UBE2E2: variants seen among roughly 807,000 people sequenced by gnomAD.
UBE2E2 encodes the protein ubiquitin conjugating enzyme E2 E2.
A neutral mutation model predicts 24.7 loss-of-function variants in UBE2E2; 6 were observed. The observed-to-expected ratio is 0.24, with a 90% CI of 0.13 to 0.48. The LOEUF is 0.48. UBE2E2 is among the 20% of genes least tolerant of loss of function. UBE2E2 has a pLI of 0.99. For synonymous variants in UBE2E2, 104 were observed against 83.6 expected, an observed-to-expected ratio of 1.24 and a Z score of -1.33; for missense variants, 169 against 245.0, an observed-to-expected ratio of 0.69 and a Z score of 2.07.
At chr3:23,240,560 C>T (rs909394151) in intron 3 of UBE2E2, among the ~76,000 whole-genome samples, 21 of 152,196 alleles carry the variant, frequency 1.4e-4, no homozygotes, top group Non-Finnish European at 2.8e-4. Context: ...CTGTGGCACA[C>T]AGCCACACTG....
At chr3:23,406,157 T>C (rs1697352147) in intron 3 of UBE2E2, among the ~76,000 whole-genome samples, 1 of 152,236 alleles carries the variant, frequency 6.6e-6, no homozygotes, top group Non-Finnish European at 1.5e-5. Flanking sequence ...TAAAAGACAG[T>C]GTTAGACAAT....
intron 3 of UBE2E2, among the ~76,000 whole-genome samples, chr3:23,489,487 A>T (rs958915253): frequency 6.6e-6 from 1 of 152,222 alleles, no homozygotes; most frequent in Non-Finnish European, 1.5e-5. Context: ...GGACATTAGC[A>T]TGCAAGATGT....
chr3:23,418,199 G>A lies in UBE2E2; in HGVS notation c.228-81409G>A, dbSNP rs191745871. On this transcript the variant is annotated intron_variant, in intron 3 of 5. Coordinates refer to ENST00000396703, the MANE Select transcript of UBE2E2 (RefSeq NM_152653.4). Reference sequence around the variant, plus strand: ...GGCCCTGGTGGCGTAGGCACCCGAGGGAATCTCCTGGTCTGCAGGTTGCAG... The same window carrying A: ...GGCCCTGGTGGCGTAGGCACCCGAGAGAATCTCCTGGTCTGCAGGTTGCAG... 8.3e-4 allele frequency among the ~76,000 whole-genome samples: 127 copies of A among 152,324 alleles called. 1 individual carries two copies. The highest frequency in any genetic ancestry group is 3.5e-4 in the Non-Finnish European group (24 of 68,028).
chr3:23,207,294 G>C (rs928489313), intron 1 of UBE2E2, among the ~76,000 whole-genome samples: 6 of 152,120 alleles, frequency 3.9e-5, no homozygotes, highest in Non-Finnish European at 8.8e-5. Context: ...TGTGTCTGCT[G>C]TCTAGATTAT....
chr3:23,204,986 C>A (rs995811162), intron 1 of UBE2E2, among the ~76,000 whole-genome samples: 80 of 152,106 alleles, frequency 5.3e-4, no homozygotes, highest in African/African-American at 1.9e-3. Flanking sequence ...TTTATGTAGT[C>A]AGTAATATTT....
At position 23,509,883 on chromosome 3, in the gene UBE2E2, C is replaced by T. The variant is rs186885127; in HGVS notation, c.360+10143C>T. On this transcript the variant is annotated intron_variant, in intron 4 of 5. Coordinates refer to ENST00000396703, the MANE Select transcript of UBE2E2 (RefSeq NM_152653.4). Reference sequence around the variant, plus strand: ...GAGAATGATGGTTTCCAGCTTCATTCATGTCCCTACAAAGGACATGAACTC... The same window carrying T: ...GAGAATGATGGTTTCCAGCTTCATTTATGTCCCTACAAAGGACATGAACTC... Among the ~76,000 whole-genome samples, 684 of 152,138 alleles carry T rather than the reference C, an allele frequency of 4.5e-3. 6 individuals are homozygous for T. Among genetic ancestry groups the T allele is most frequent in the African/African-American group, 0.015 (630 of 41,494 alleles).
chr3:23,247,411 A>G (rs570805439), intron 3 of UBE2E2, among the ~76,000 whole-genome samples: 267 of 151,226 alleles, frequency 1.8e-3, no homozygotes, highest in African/African-American at 6.1e-3. Context: ...CTGGAGTGCA[A>G]TGGCATGATC....
chr3:23,378,236 TAAAAA>T (rs56808350), intron 3 of UBE2E2, among the ~76,000 whole-genome samples: 35 of 118,062 alleles, frequency 3.0e-4, no homozygotes, highest in African/African-American at 1.1e-3. Flanking sequence ...AAATAAGCAG[TAAAAA>T]AAAAAAAAAA....
chr3:23,248,917 T>C (rs1260365227), intron 3 of UBE2E2, among the ~76,000 whole-genome samples: 1 of 152,198 alleles, frequency 6.6e-6, no homozygotes, highest in Non-Finnish European at 1.5e-5. Context: ...GACCGACTGA[T>C]TTAAGAGCTA....
At chr3:23,235,987 G>T (rs1240596298) in intron 3 of UBE2E2, among the ~76,000 whole-genome samples, 1 of 152,072 alleles carries the variant, frequency 6.6e-6, no homozygotes, top group African/African-American at 2.4e-5. Context: ...TAAATCTGTA[G>T]GAAATGATGA....
In UBE2E2 at chr3:23,471,255, G is replaced by A. The variant is rs182643040; in HGVS notation, c.228-28353G>A. Among the ~76,000 whole-genome samples, 496 of 152,302 alleles carry A rather than the reference G, an allele frequency of 3.3e-3. 2 individuals carry two copies. The highest frequency in any genetic ancestry group is 5.5e-3 in the Non-Finnish European group (376 of 68,032). On this transcript the variant is annotated intron_variant, in intron 3 of 5. Transcript: ENST00000396703. ...AACTACAGGAAGAAGATTCCTGAAAGATGGTAGCAGTAGTGACATTGTTCT... is the reference window on the plus strand; with the variant it reads ...AACTACAGGAAGAAGATTCCTGAAAAATGGTAGCAGTAGTGACATTGTTCT...
intron 4 of UBE2E2, among the ~76,000 whole-genome samples, chr3:23,529,931 T>G (rs570917618): frequency 6.6e-6 from 1 of 152,356 alleles, no homozygotes; most frequent in Admixed American, 6.5e-5. Context: ...TTTGAAACTG[T>G]AGATTTCTCT....
chr3:23,486,515 G>C (rs886597398), intron 3 of UBE2E2, among the ~76,000 whole-genome samples: 1 of 152,192 alleles, frequency 6.6e-6, no homozygotes, highest in African/African-American at 2.4e-5. Flanking sequence ...GCTAGTTTGT[G>C]CTGCAGCTCT....
chr3:23,283,623 G>A (rs931289387), intron 3 of UBE2E2, among the ~76,000 whole-genome samples: 4 of 152,134 alleles, frequency 2.6e-5, no homozygotes, highest in African/African-American at 9.7e-5. Context: ...GCAGATGTGT[G>A]CCACCACACT....
intron 3 of UBE2E2, among the ~76,000 whole-genome samples, chr3:23,346,597 T>A (rs887097298): frequency 5.9e-5 from 9 of 152,222 alleles, no homozygotes; most frequent in African/African-American, 2.2e-4. Context: ...GCATTGCATA[T>A]TAATTAATAA....
At chr3:23,445,377 T>A (rs951065029) in intron 3 of UBE2E2, among the ~76,000 whole-genome samples, 1 of 152,210 alleles carries the variant, frequency 6.6e-6, no homozygotes, top group Non-Finnish European at 1.5e-5. Context: ...TCACATCATC[T>A]TTCACTGTTG....
intron 3 of UBE2E2, among the ~76,000 whole-genome samples, chr3:23,257,334 C>G (rs1251233582): frequency 6.6e-6 from 1 of 152,106 alleles, no homozygotes; most frequent in African/African-American, 2.4e-5. Flanking sequence ...GGTTCCTTGA[C>G]TCCAGGACTG....
At chr3:23,578,011 A>AG (rs1696386724) in intron 5 of UBE2E2, among the ~76,000 whole-genome samples, 1 of 148,910 alleles carries the variant, frequency 6.7e-6, no homozygotes, top group Non-Finnish European at 1.5e-5. Flanking sequence ...ACCTCTCAGA[A>AG]AAAAAAAAAA....
intron 3 of UBE2E2, among the ~76,000 whole-genome samples, chr3:23,320,870 T>G (rs1045673591): frequency 6.6e-6 from 1 of 152,230 alleles, no homozygotes; most frequent in African/African-American, 2.4e-5. Flanking sequence ...CCTAACAGTA[T>G]TAGTTTCCTA....
Sources: gnomAD v4.1 joint callset for allele counts (sites outside exome capture counted in the v4.1 genomes callset) on GRCh38, gnomAD v4.1.1 for gene constraint, MANE v1.5 for transcripts, NCBI Gene and HGNC (gene_info 2026-07-23, HGNC 2026-07-21) for gene names.